The following STMN2 variants were observed in gnomAD, a reference collection of about 807,000 sequenced individuals.
STMN2 encodes stathmin 2, also known as stathmin-2.
In STMN2, 2 loss-of-function variants were observed where a neutral mutation model predicts 24.1. The ratio of observed to expected loss-of-function variants is 0.08; its 90% CI spans 0.03 to 0.26. The LOEUF (loss-of-function observed/expected upper bound fraction) is 0.26, where lower values mean the gene tolerates loss of function less well. Among genes scored for constraint, STMN2 ranks in the 10% least tolerant of loss-of-function variants. The probability of loss-of-function intolerance (pLI) is 1.00; values close to 1 mark genes in which losing one functional copy is unlikely to be tolerated. For synonymous variants in STMN2, 83 were observed against 77.5 expected, an observed-to-expected ratio of 1.07 and a Z score of -0.37; for missense variants, 114 against 213.6, an observed-to-expected ratio of 0.53 and a Z score of 2.91.
intron 1 of STMN2, 76 bp from the exon 2 acceptor site, chr8:79,636,726 T>C (rs1809970413): frequency 5.3e-6 from 7 of 1,328,656 alleles, no homozygotes; most frequent in South Asian, 1.3e-5. Flanking sequence ...GCAATAATTA[T>C]TATTCAAATT....
At chr8:79,634,620 A>G (rs1809896261) in intron 1 of STMN2, among the ~76,000 whole-genome samples, 1 of 152,186 alleles carries the variant, frequency 6.6e-6, no homozygotes, top group Non-Finnish European at 1.5e-5. Flanking sequence ...ATTTACTGCA[A>G]TTTATCCAGA....
At chr8:79,645,866 T>C (rs1229846501) in intron 3 of STMN2, among the ~76,000 whole-genome samples, 1 of 152,216 alleles carries the variant, frequency 6.6e-6, no homozygotes, top group Non-Finnish European at 1.5e-5. Flanking sequence ...GTAATTAGTA[T>C]TTACTGGCAT....
rs994332609 is a variant in STMN2, at chr8:79,665,039, C to T, written c.*165C>T. On this transcript the variant is annotated 3_prime_UTR_variant, in exon 5 of 5. Transcript: ENST00000220876. The stretch of plus-strand genomic sequence containing the variant: ...AAAAATTAAAAAAAATCAATGCGGT[C>T]TCTTTGCAGAATGTTTTGCTTGATG... 20 of 505,222 alleles carry T rather than the reference C, an allele frequency of 4.0e-5. No homozygotes were observed. The highest frequency in any genetic ancestry group is 6.0e-5 in the Non-Finnish European group (19 of 318,224). The allele number at this position is 505,222 out of a possible 1,614,324, so 31.3% of individuals were successfully genotyped here.
At chr8:79,660,986 T>A (rs1325838617) in intron 4 of STMN2, among the ~76,000 whole-genome samples, 2 of 152,186 alleles carry the variant, frequency 1.3e-5, no homozygotes, top group African/African-American at 4.8e-5. Flanking sequence ...ATTTAGTTCC[T>A]TTTTATGGCT....
chr8:79,643,870 A>G (rs372233807), intron 3 of STMN2, among the ~76,000 whole-genome samples: 2 of 152,132 alleles, frequency 1.3e-5, no homozygotes, highest in Non-Finnish European at 2.9e-5. Flanking sequence ...GCCGTATTCC[A>G]TCACCTTTCC....
intron 1 of STMN2, among the ~76,000 whole-genome samples, chr8:79,624,345 T>G (rs538767588): frequency 6.7e-6 from 1 of 150,076 alleles, no homozygotes; most frequent in East Asian, 2.0e-4. Context: ...TCCCAGCTAC[T>G]CGGGAGGCTG....
At chr8:79,657,922 G>A (rs765118813) in intron 4 of STMN2, among the ~76,000 whole-genome samples, 10 of 152,182 alleles carry the variant, frequency 6.6e-5, no homozygotes, top group Non-Finnish European at 1.5e-4. Context: ...TTAAAAGAGG[G>A]TCAGTAATAA....
chr8:79,618,111 C>G (rs150009977), intron 1 of STMN2, among the ~76,000 whole-genome samples: 4 of 152,348 alleles, frequency 2.6e-5, no homozygotes, highest in Middle Eastern at 3.4e-3. Flanking sequence ...AGAGGTCACA[C>G]CTGTGATATC....
intron 3 of STMN2, among the ~76,000 whole-genome samples, chr8:79,649,377 G>A (rs1468279636): frequency 2.0e-5 from 3 of 151,894 alleles, no homozygotes; most frequent in African/African-American, 7.3e-5. Flanking sequence ...TAGCAGAAGG[G>A]CTCATTCTAA....
chr8:79,646,913 T>C (rs546769716), intron 3 of STMN2, among the ~76,000 whole-genome samples: 2 of 152,002 alleles, frequency 1.3e-5, no homozygotes, highest in South Asian at 4.2e-4. Flanking sequence ...AAAGTGTAGG[T>C]TTCAGAGCAG....
At chr8:79,625,090 AG>A (rs779876394) in intron 1 of STMN2, among the ~76,000 whole-genome samples, 9 of 152,218 alleles carry the variant, frequency 5.9e-5, no homozygotes, top group Non-Finnish European at 8.8e-5. Context: ...ATGCTGGCCA[AG>A]GAAGAGTCGA....
chr8:79,620,290 TACATATATAC>T (rs1809482043), intron 1 of STMN2, among the ~76,000 whole-genome samples: 1 of 151,096 alleles, frequency 6.6e-6, no homozygotes, highest in East Asian at 1.9e-4. Flanking sequence ...GCCTATTTCA[TACATATATAC>T]ACATTCATGC....
intron 1 of STMN2, chr8:79,631,524 T>C (rs1453362679): frequency 3.6e-6 from 3 of 831,598 alleles, no homozygotes; most frequent in African/African-American, 1.8e-5. Context: ...AGTGATCTTC[T>C]GATATGTTAA....
chr8:79,615,982 T>C (rs1163947753), intron 1 of STMN2, among the ~76,000 whole-genome samples: 1 of 152,196 alleles, frequency 6.6e-6, no homozygotes, highest in Non-Finnish European at 1.5e-5. Flanking sequence ...TTTTAATGCT[T>C]AAAAATAAAG....
At position 79,643,741 on chromosome 8, in the gene STMN2, A is replaced by G. The variant is rs118088848; in HGVS notation, c.288+2191A>G. 5.3e-5 allele frequency among the ~76,000 whole-genome samples: 8 copies of G among 152,312 alleles called. No homozygotes were observed. In the South Asian group the frequency reaches 1.2e-3, roughly 24 times the overall value. ...TGACAGCAAGAAATTATCAATGATT[A>G]TACATTTAAACAATTGAATTGAACT... On this transcript the variant is annotated intron_variant, in intron 3 of 4. Coordinates refer to ENST00000220876, the MANE Select transcript of STMN2 (RefSeq NM_007029.4).
At chr8:79,623,508 A>G (rs78868279) in intron 1 of STMN2, among the ~76,000 whole-genome samples, 5,200 of 152,324 alleles carry the variant, frequency 0.034, 115 homozygotes, top group Non-Finnish European at 0.058. Flanking sequence ...TTTATGACAT[A>G]GCTGCAGACA....
chr8:79,636,971 A>G, intron 2 of STMN2, 74 bp downstream of exon 2: 2 of 1,329,030 alleles, frequency 1.5e-6, no homozygotes, highest in Non-Finnish European at 1.1e-6. Flanking sequence ...TGTTTCTTAC[A>G]GCTCCTGATA....
At chr8:79,636,179 TGCACTACA>T in intron 1 of STMN2, among the ~76,000 whole-genome samples, 1 of 152,058 alleles carries the variant, frequency 6.6e-6, no homozygotes, top group Non-Finnish European at 1.5e-5. Flanking sequence ...ATCACACCAC[TGCACTACA>T]GCCTGGGTAA....
intron 3 of STMN2, among the ~76,000 whole-genome samples, chr8:79,652,027 T>C (rs1468875586): frequency 2.6e-5 from 4 of 152,224 alleles, no homozygotes; most frequent in Non-Finnish European, 1.5e-5. Context: ...AATGTTACAT[T>C]GCTACCTGCC....
Sources: allele counts gnomAD v4.1 joint callset (sites outside exome capture counted in the v4.1 genomes callset), GRCh38; gene constraint gnomAD v4.1.1; transcripts MANE v1.5; gene names NCBI Gene and HGNC (gene_info 2026-07-23, HGNC 2026-07-21).